PPM1L: variants seen among roughly 807,000 people sequenced by gnomAD.
The protein encoded by PPM1L is protein phosphatase, Mg2+/Mn2+ dependent 1L, also known as protein phosphatase 1L.
PPM1L carries 13 observed loss-of-function variants against 31.4 expected under a neutral mutation model. The ratio of observed to expected loss-of-function variants is 0.41; its 90% CI spans 0.27 to 0.66. The LOEUF is 0.66. Ranked by LOEUF, PPM1L falls within the 30% of genes least tolerant of loss-of-function variation. The pLI is 0.29. For synonymous variants in PPM1L, 184 were observed against 175.4 expected (o/e 1.05, Z -0.39); for missense variants, 326 against 453.7 (o/e 0.72, Z 2.56).
At chr3:160,787,453 T>C (rs1178174622) in intron 1 of PPM1L, among the ~76,000 whole-genome samples, 1 of 151,866 alleles carries the variant, frequency 6.6e-6, no homozygotes, top group Non-Finnish European at 1.5e-5. Flanking sequence ...GGGGTTGTTT[T>C]TTGCCTAATT....
chr3:161,062,137 T>TGG (rs59929268), intron 2 of PPM1L, among the ~76,000 whole-genome samples: 1 of 149,954 alleles, frequency 6.7e-6, no homozygotes, highest in Non-Finnish European at 1.5e-5. Flanking sequence ...TCTCTTTTAG[T>TGG]GGGGGGGGAA....
chr3:160,967,015 C>T (rs1207456066), intron 2 of PPM1L, among the ~76,000 whole-genome samples: 1 of 152,032 alleles, frequency 6.6e-6, no homozygotes, highest in Non-Finnish European at 1.5e-5. Flanking sequence ...TTGTAGCTCC[C>T]ATAATCCCCA....
chr3:160,993,953 C>A (rs1235977872), intron 2 of PPM1L, among the ~76,000 whole-genome samples: 2 of 150,936 alleles, frequency 1.3e-5, no homozygotes, highest in Non-Finnish European at 1.5e-5. Flanking sequence ...CTTTTTTTTT[C>A]ATTGCTCAGT....
intron 1 of PPM1L, among the ~76,000 whole-genome samples, chr3:160,943,471 A>C (rs1437083707): frequency 6.6e-6 from 1 of 152,200 alleles, no homozygotes; most frequent in African/African-American, 2.4e-5. Context: ...GAATTTAGCT[A>C]TCATTTACAG....
chr3:161,021,448 C>T (rs1718232660), intron 2 of PPM1L, among the ~76,000 whole-genome samples: 2 of 151,970 alleles, frequency 1.3e-5, no homozygotes, highest in African/African-American at 4.8e-5. Flanking sequence ...TATAGTCTAA[C>T]CTGGAGAATG....
At chr3:161,068,150 T>C (rs1299609915) in intron 3 of PPM1L, among the ~76,000 whole-genome samples, 1 of 152,210 alleles carries the variant, frequency 6.6e-6, no homozygotes, top group Non-Finnish European at 1.5e-5. Context: ...AAATGACTTA[T>C]GTGGAATAAG....
chr3:160,975,088 T>C (rs1344249143), intron 2 of PPM1L, among the ~76,000 whole-genome samples: 1 of 152,008 alleles, frequency 6.6e-6, no homozygotes, highest in Non-Finnish European at 1.5e-5. Context: ...GCTTTCTACG[T>C]ATGGCTAGCC....
chr3:160,868,302 T>G (rs143750940), intron 1 of PPM1L, among the ~76,000 whole-genome samples: 12 of 152,302 alleles, frequency 7.9e-5, no homozygotes, highest in Non-Finnish European at 1.6e-4. Context: ...ATTTTCCACC[T>G]GGAGAAGTAG....
In PPM1L at chr3:160,756,630, C is replaced by T; in HGVS notation, c.322C>T (p.Arg108Cys). Reference sequence around the variant, plus strand: ...GGGCCGGAGAGACCACATGGAGGACCGCTTCGAAGTTCTCACGGATCTGGC... The same window carrying T: ...GGGCCGGAGAGACCACATGGAGGACTGCTTCGAAGTTCTCACGGATCTGGC... The part of the protein sequence containing the change: ...IQGRRDHMED[R>C]FEVLTDLANK... The change falls in exon 1 of 4, where the codon CGC becomes TGC. Residue 108 changes from arginine (R) to cysteine (C), a missense_variant. Coordinates refer to ENST00000498165, the MANE Select transcript of PPM1L (RefSeq NM_139245.4). The surrounding 1 kb of genome is among the most constrained non-coding windows in gnomAD (Gnocchi z 6.2). 6.2e-7 allele frequency: 1 copy of T among 1,614,112 alleles called. No homozygotes were observed. Among genetic ancestry groups the T allele is most frequent in the Non-Finnish European group, 8.5e-7 (1 of 1,180,032 alleles).
chr3:161,006,724 C>T (rs1717721611), intron 2 of PPM1L, among the ~76,000 whole-genome samples: 1 of 148,416 alleles, frequency 6.7e-6, no homozygotes, highest in Admixed American at 6.7e-5. Context: ...GATCTGTCGC[C>T]CAGGCTGGAG....
At chr3:160,949,866 A>C (rs1373998915) in intron 1 of PPM1L, among the ~76,000 whole-genome samples, 2 of 152,240 alleles carry the variant, frequency 1.3e-5, no homozygotes, top group East Asian at 3.8e-4. Context: ...TTTGCAACCA[A>C]GGTGATGATT....
intron 1 of PPM1L, among the ~76,000 whole-genome samples, chr3:160,920,615 TCACA>T (rs1162244272): frequency 9.4e-4 from 27 of 28,710 alleles, no homozygotes; most frequent in Admixed American, 6.1e-3. Flanking sequence ...TCTCTCTCTC[TCACA>T]CACACACACA....
intron 2 of PPM1L, among the ~76,000 whole-genome samples, chr3:161,002,129 T>C (rs972048729): frequency 1.3e-5 from 2 of 152,186 alleles, no homozygotes; most frequent in Admixed American, 1.3e-4. Context: ...AGAATGATGA[T>C]TTCCAATTTC....
chr3:160,761,495 A>T (rs1256605929), intron 1 of PPM1L, among the ~76,000 whole-genome samples: 1 of 152,194 alleles, frequency 6.6e-6, no homozygotes, highest in East Asian at 1.9e-4. Flanking sequence ...AAGGATGCTG[A>T]ATTATGTAAC....
intron 1 of PPM1L, among the ~76,000 whole-genome samples, chr3:160,764,063 T>C (rs1180676655): frequency 1.3e-5 from 2 of 152,244 alleles, no homozygotes; most frequent in Non-Finnish European, 2.9e-5. Flanking sequence ...CAAATCTCAT[T>C]ACCCTGTCAC....
intron 1 of PPM1L, among the ~76,000 whole-genome samples, chr3:160,841,008 A>C (rs1292656726): frequency 6.6e-6 from 1 of 152,134 alleles, no homozygotes. Flanking sequence ...CTCTCTGGGT[A>C]TCCCTTAATC....
At position 161,037,321 on chromosome 3, in the gene PPM1L, G is replaced by C. The variant is rs1718771349; in HGVS notation, c.575-28082G>C. ...CCATGTCATGAAGAGATGATACTTG[G>C]GCAGCCAGTGGAGAGACCTACATGG... is the stretch of plus-strand genomic sequence containing the variant. On this transcript the variant is annotated intron_variant, in intron 2 of 3. Coordinates refer to ENST00000498165, the MANE Select transcript of PPM1L (RefSeq NM_139245.4). Among the ~76,000 whole-genome samples, 4 of 151,800 alleles carry C rather than the reference G, an allele frequency of 2.6e-5. No individual in the cohort carries two copies. The South Asian group carries it at 8.3e-4, about 32-fold the overall frequency.
chr3:160,807,915 G>T (rs1712651063), intron 1 of PPM1L, among the ~76,000 whole-genome samples: 1 of 151,674 alleles, frequency 6.6e-6, no homozygotes, highest in Non-Finnish European at 1.5e-5. Context: ...AATGTCTAAA[G>T]AATTTTTTTT....
chr3:160,947,781 A>G (rs1300992570), intron 1 of PPM1L, among the ~76,000 whole-genome samples: 4 of 152,286 alleles, frequency 2.6e-5, no homozygotes, highest in South Asian at 2.1e-4. Context: ...TCAACTTTAA[A>G]TTTACCTACA....
Sources: allele counts gnomAD v4.1 joint callset (sites outside exome capture counted in the v4.1 genomes callset), GRCh38; gene constraint gnomAD v4.1.1; non-coding constraint Gnocchi (gnomAD v3.1); transcripts MANE v1.5; gene names NCBI Gene and HGNC (gene_info 2026-07-23, HGNC 2026-07-21).